The following DGKB variants were observed in gnomAD, a reference collection of about 807,000 sequenced individuals.
DGKB encodes the protein 90 kDa diacylglycerol kinase.
Under a neutral mutation model 114.3 loss-of-function variants are expected in DGKB, and 67 were observed. The observed-to-expected ratio is 0.59, with a 90% CI of 0.48 to 0.72. DGKB has a LOEUF of 0.72. DGKB is among the 30% of genes least tolerant of loss of function. The pLI, the probability that DGKB is intolerant of heterozygous loss-of-function variation, is 0.00. For missense variants in DGKB, 907 were observed against 975.2 expected (o/e 0.93, Z 0.93); for synonymous variants, 398 against 323.1 (o/e 1.23, Z -2.49).
At chr7:14,763,994 C>G (rs2128459258) in intron 2 of DGKB, among the ~76,000 whole-genome samples, 1 of 152,020 alleles carries the variant, frequency 6.6e-6, no homozygotes, top group Admixed American at 6.6e-5. Context: ...TTTCGGGTCT[C>G]TCAATTCAGT....
intron 15 of DGKB, among the ~76,000 whole-genome samples, chr7:14,616,145 C>G (rs1251154607): frequency 6.7e-6 from 1 of 149,716 alleles, no homozygotes; most frequent in Non-Finnish European, 1.5e-5. Context: ...CACTACCACT[C>G]CCATTTACAT....
chr7:14,897,398 A>G (rs894662003), intron 1 of DGKB, among the ~76,000 whole-genome samples: 30 of 151,880 alleles, frequency 2.0e-4, no homozygotes, highest in African/African-American at 7.0e-4. Flanking sequence ...CTGCTTGCAG[A>G]TATGATTCAC....
chr7:14,927,778 A>G (rs1429823216), intron 1 of DGKB, among the ~76,000 whole-genome samples: 1 of 151,998 alleles, frequency 6.6e-6, no homozygotes, highest in Non-Finnish European at 1.5e-5. Context: ...ATATTTCAAA[A>G]CATGATAACA....
intron 8 of DGKB, among the ~76,000 whole-genome samples, chr7:14,694,747 A>G (rs1394389810): frequency 1.8e-5 from 1 of 56,598 alleles, no homozygotes; most frequent in African/African-American, 3.7e-5. Flanking sequence ...TTTGCAATAC[A>G]TTTACCTCTC....
chr7:14,961,440 A>G (rs1053923031), intron 1 of DGKB, among the ~76,000 whole-genome samples: 6 of 152,084 alleles, frequency 3.9e-5, no homozygotes, highest in African/African-American at 1.4e-4. Flanking sequence ...TAAGTTGATT[A>G]AAGTGCACTC....
At chr7:14,919,240 T>A (rs1487223889) in intron 1 of DGKB, among the ~76,000 whole-genome samples, 1 of 152,032 alleles carries the variant, frequency 6.6e-6, no homozygotes, top group Non-Finnish European at 1.5e-5. Context: ...GCTACTGTAA[T>A]CAGGGCAGCA....
At chr7:14,949,722 A>C (rs1305971893) in intron 1 of DGKB, among the ~76,000 whole-genome samples, 1 of 152,000 alleles carries the variant, frequency 6.6e-6, no homozygotes, top group African/African-American at 2.4e-5. Flanking sequence ...AAAATGATAG[A>C]CTGGATTAAG....
chr7:14,670,585 G>C (rs187720519), intron 13 of DGKB, among the ~76,000 whole-genome samples: 2 of 152,036 alleles, frequency 1.3e-5, no homozygotes, highest in Admixed American at 1.3e-4. Context: ...GATTACAGGC[G>C]TGAGCCACCA....
intron 1 of DGKB, among the ~76,000 whole-genome samples, chr7:14,943,577 T>G (rs1456218299): frequency 6.6e-6 from 1 of 151,738 alleles, no homozygotes; most frequent in Non-Finnish European, 1.5e-5. Context: ...TCCAGAGACA[T>G]TTTTTGGCCA....
chr7:14,554,951 T>C (rs1667581985), intron 20 of DGKB, among the ~76,000 whole-genome samples: 1 of 152,162 alleles, frequency 6.6e-6, no homozygotes, highest in African/African-American at 2.4e-5. Flanking sequence ...AATATATATT[T>C]TTAAAATGAA....
intron 1 of DGKB, among the ~76,000 whole-genome samples, chr7:14,971,080 A>G (rs1562913787): frequency 6.6e-6 from 1 of 152,182 alleles, no homozygotes; most frequent in African/African-American, 2.4e-5. Context: ...AAACAGAACT[A>G]AGTCAGAGTT....
intron 21 of DGKB, among the ~76,000 whole-genome samples, chr7:14,379,214 T>C (rs1262162294): frequency 1.3e-5 from 2 of 152,184 alleles, no homozygotes; most frequent in Non-Finnish European, 2.9e-5. Flanking sequence ...CTCATTATGC[T>C]GAATTCAGCG....
At chr7:14,810,832 C>T (rs1843340952) in intron 2 of DGKB, among the ~76,000 whole-genome samples, 2 of 152,164 alleles carry the variant, frequency 1.3e-5, no homozygotes, top group South Asian at 2.1e-4. Flanking sequence ...TGATTTCGAA[C>T]TCCTGGACTC....
chr7:14,664,339 T>G (rs1817662136), intron 13 of DGKB, among the ~76,000 whole-genome samples: 1 of 152,044 alleles, frequency 6.6e-6, no homozygotes, highest in South Asian at 2.1e-4. Flanking sequence ...CTATTCACAT[T>G]GCAGTCTCCT....
chr7:14,169,642 G>C (rs985144593), intron 25 of DGKB, among the ~76,000 whole-genome samples: 1 of 152,042 alleles, frequency 6.6e-6, no homozygotes, highest in African/African-American at 2.4e-5. Flanking sequence ...AAAATGAGGA[G>C]GCATTGAACT....
chr7:14,178,189 A>G (rs773740082), intron 23 of DGKB, 38 bp from the exon 24 acceptor site: 10 of 1,604,852 alleles, frequency 6.2e-6, no homozygotes, highest in Non-Finnish European at 8.5e-6. Flanking sequence ...TGCAATGTGT[A>G]TACATATGTC....
At chr7:14,291,985 AT>A (rs1011966647) in intron 23 of DGKB, among the ~76,000 whole-genome samples, 4 of 151,272 alleles carry the variant, frequency 2.6e-5, no homozygotes, top group South Asian at 2.1e-4. Context: ...CTCCTTTTCA[AT>A]TTTTTTTTCA....
chr7:14,365,533 G>A (rs187965850), intron 21 of DGKB, among the ~76,000 whole-genome samples: 27 of 151,962 alleles, frequency 1.8e-4, no homozygotes, highest in Non-Finnish European at 2.6e-4. Context: ...TTTTCTATAC[G>A]CTAGTATAAT....
chr7:14,825,929 G>A (rs1029676878), intron 2 of DGKB, among the ~76,000 whole-genome samples: 4 of 152,066 alleles, frequency 2.6e-5, no homozygotes, highest in African/African-American at 4.8e-5. Flanking sequence ...AGGTCCCTTG[G>A]GCTTTCTGAC....
Sources: gnomAD v4.1 joint callset for allele counts (sites outside exome capture counted in the v4.1 genomes callset) on GRCh38, gnomAD v4.1.1 for gene constraint, MANE v1.5 for transcripts, NCBI Gene and HGNC (gene_info 2026-07-23, HGNC 2026-07-21) for gene names.